PHEX: variants seen among roughly 807,000 people sequenced by gnomAD.
The protein encoded by PHEX is phosphate-regulating neutral endopeptidase PHEX.
Under a neutral mutation model 68.0 loss-of-function variants are expected in PHEX, and 16 were observed. The ratio of observed to expected loss-of-function variants is 0.24; its 90% CI spans 0.16 to 0.36. The LOEUF is 0.36. Ranked by LOEUF, PHEX falls within the 10% of genes least tolerant of loss-of-function variation. The pLI is 1.00. For missense variants in PHEX, 480 were observed against 575.5 expected, an observed-to-expected ratio of 0.83 and a Z score of 1.70; for synonymous variants, 208 against 205.1, an observed-to-expected ratio of 1.01 and a Z score of -0.12.
intron 12 of PHEX, among the ~76,000 whole-genome samples, chrX:22,152,010 G>T (rs2093037410): frequency 8.9e-6 from 1 of 112,017 alleles, no homozygotes; most frequent in African/African-American, 3.2e-5. Flanking sequence ...TGCAGATGTG[G>T]TCTGTGCCTT....
intron 20 of PHEX, among the ~76,000 whole-genome samples, chrX:22,230,846 G>A (rs1602417264): frequency 8.9e-6 from 1 of 111,823 alleles, no homozygotes; most frequent in African/African-American, 3.3e-5. Flanking sequence ...GGGCATCCTT[G>A]TCTGGTGCTG....
intron 4 of PHEX, among the ~76,000 whole-genome samples, 182 bp from the exon 5 acceptor site, chrX:22,077,294 C>T (rs1832937925): frequency 9.0e-6 from 1 of 111,460 alleles, no homozygotes; most frequent in African/African-American, 3.3e-5. Context: ...AAGCGTGGAT[C>T]GTAGGTAGTT....
At position 22,168,218 on chromosome X, in the gene PHEX, A is replaced by G; in HGVS notation, c.1405-94A>G. On this transcript the variant is annotated intron_variant, in intron 12 of 21. Coordinates refer to ENST00000379374, the MANE Select transcript of PHEX (RefSeq NM_000444.6). Reference sequence around the variant, plus strand: ...CATATAGTAGATATTCAGTAAATGGAGTTTTCAGATGAAGGGCGCATTTCT... The same window carrying G: ...CATATAGTAGATATTCAGTAAATGGGGTTTTCAGATGAAGGGCGCATTTCT... 4.6e-6 allele frequency: 3 copies of G among 654,280 alleles called. No homozygotes were observed. In the South Asian group the frequency reaches 6.6e-5, roughly 14 times the overall value. 53.9% of individuals were successfully genotyped at this position (654,280 alleles called of 1,213,427 possible).
intron 3 of PHEX, among the ~76,000 whole-genome samples, chrX:22,064,164 G>T (rs1300523128): frequency 8.9e-6 from 1 of 111,846 alleles, no homozygotes; most frequent in Non-Finnish European, 1.9e-5. Flanking sequence ...TTTATTATAG[G>T]TTTAGGGGTA....
intron 15 of PHEX, among the ~76,000 whole-genome samples, chrX:22,206,414 A>C (rs1934713058): frequency 8.9e-6 from 1 of 112,161 alleles, no homozygotes; most frequent in African/African-American, 3.2e-5. Flanking sequence ...CTAGCTCTGA[A>C]GACATCACCA....
intron 3 of PHEX, among the ~76,000 whole-genome samples, chrX:22,075,285 CTTTT>C (rs1164944990): frequency 4.0e-4 from 25 of 62,349 alleles, no homozygotes; most frequent in African/African-American, 7.2e-4. Context: ...CTCTGGGTTG[CTTTT>C]TTTTTTTTTT....
At chrX:22,197,515 C>A (rs958897021) in intron 15 of PHEX, among the ~76,000 whole-genome samples, 1 of 110,856 alleles carries the variant, frequency 9.0e-6, no homozygotes, top group African/African-American at 3.3e-5. Flanking sequence ...AACTGGGGCC[C>A]CCTGCTCATT....
chrX:22,246,210 G>A lies in PHEX; in HGVS notation c.2147+801G>A, dbSNP rs1215821676. On this transcript the variant is annotated intron_variant, in intron 21 of 21. Transcript: ENST00000379374. ...AATATTACTCACCCTGTACTCGGTC[G>A]TACAGGTTGACAGAAATTTTCTATA... 8.1e-5 allele frequency among the ~76,000 whole-genome samples: 9 copies of A among 111,604 alleles called. No homozygotes were observed. The South Asian group carries it at 1.1e-3, about 14-fold the overall frequency.
Position 22,249,455 on chromosome X carries a change from A to AAAAATTAT in PHEX, c.*1503_*1504insAAATTATA. The AAAAATTAT allele has an allele frequency of 2.5e-5, 1 of 39,764 alleles. No homozygotes were observed. The highest frequency in any genetic ancestry group is 4.1e-5 in the Non-Finnish European group (1 of 24,474). The allele number at this position is 39,764 out of a possible 1,213,427, so 3.3% of individuals were successfully genotyped here. On this transcript the variant is annotated 3_prime_UTR_variant, in exon 22 of 22. Coordinates refer to ENST00000379374, the MANE Select transcript of PHEX (RefSeq NM_000444.6). ...TTGTGATTCTTTTAAAAAAAAAAAA[A>AAAAATTAT]ATATATATATATATATATATATATA...
At chrX:22,057,762 T>C (rs897944631) in intron 3 of PHEX, among the ~76,000 whole-genome samples, 1 of 111,406 alleles carries the variant, frequency 9.0e-6, no homozygotes. Context: ...AACCAGCCCC[T>C]TGTCCATTTT....
intron 16 of PHEX, among the ~76,000 whole-genome samples, chrX:22,213,467 C>T (rs1309044700): frequency 8.9e-6 from 1 of 111,869 alleles, no homozygotes; most frequent in African/African-American, 3.2e-5. Context: ...AAATATTGAA[C>T]TTTTTGAGCA....
At chrX:22,245,142 G>A (rs1936355461) in intron 20 of PHEX, among the ~76,000 whole-genome samples, 191 bp from the exon 21 acceptor site, 1 of 112,181 alleles carries the variant, frequency 8.9e-6, no homozygotes, top group African/African-American at 3.2e-5. Flanking sequence ...TATTCACATT[G>A]ATAAAACCTT....
chrX:22,200,193 C>T (rs929010663), intron 15 of PHEX, among the ~76,000 whole-genome samples: 1 of 112,488 alleles, frequency 8.9e-6, no homozygotes, highest in Non-Finnish European at 1.9e-5. Flanking sequence ...GGTGATGCAA[C>T]TTGCAAAAGA....
rs1436183969 is a variant in PHEX, at chrX:22,184,753, T to G, written c.1587-5691T>G. Reference sequence around the variant, plus strand: ...GAAATTATTTTAGCCCGCCTCACTTTTAACTCACTCTCATTCTACTGAGAC... The same window carrying G: ...GAAATTATTTTAGCCCGCCTCACTTGTAACTCACTCTCATTCTACTGAGAC... On this transcript the variant is annotated intron_variant, in intron 14 of 21. Transcript: ENST00000379374. Among the ~76,000 whole-genome samples the G allele has an allele frequency of 1.3e-4, 15 of 112,117 alleles. No homozygotes were observed. The Admixed American group carries it at 1.4e-3, about 11-fold the overall frequency.
chrX:22,059,355 T>A (rs1488389847), intron 3 of PHEX, among the ~76,000 whole-genome samples: 1 of 112,476 alleles, frequency 8.9e-6, no homozygotes, highest in East Asian at 2.8e-4. Context: ...TTTTCTACCT[T>A]ATTGCAGATG....
intron 13 of PHEX, 104 bp from the exon 14 acceptor site, chrX:22,178,169 G>A: frequency 2.1e-6 from 1 of 477,249 alleles, no homozygotes; most frequent in Non-Finnish European, 3.8e-6. Flanking sequence ...GGCTGTGACT[G>A]ATGCAGCTTC....
At chrX:22,167,231 T>A (rs1035785153) in intron 12 of PHEX, among the ~76,000 whole-genome samples, 2 of 111,402 alleles carry the variant, frequency 1.8e-5, no homozygotes, top group African/African-American at 3.3e-5. Context: ...GTGTTTTTCA[T>A]AGTGACTGTA....
At chrX:22,095,663 G>C (rs771591717) in intron 7 of PHEX, among the ~76,000 whole-genome samples, 37 of 112,019 alleles carry the variant, frequency 3.3e-4, no homozygotes, top group Non-Finnish European at 6.2e-4. Flanking sequence ...TCCTGTGGAG[G>C]GTGAAGAAAG....
Position 22,113,215 on chromosome X carries a change from A to G in PHEX, c.1174-1243A>G, listed in dbSNP as rs762794170. On this transcript the variant is annotated intron_variant, in intron 10 of 21. Coordinates refer to ENST00000379374, the MANE Select transcript of PHEX (RefSeq NM_000444.6). ...TTGAGCACGAAGTGCTAAATATAAT[A>G]TTGAATTGCCGAAGAAGGTTGTAGG... is the stretch of plus-strand genomic sequence containing the variant. 8.6e-4 allele frequency among the ~76,000 whole-genome samples: 96 copies of G among 111,962 alleles called. No individual in the cohort carries two copies. The Middle Eastern group carries it at 0.014, about 16-fold the overall frequency.
Sources: gnomAD v4.1 joint callset for allele counts (sites outside exome capture counted in the v4.1 genomes callset) on GRCh38, gnomAD v4.1.1 for gene constraint, MANE v1.5 for transcripts, NCBI Gene and HGNC (gene_info 2026-07-23, HGNC 2026-07-21) for gene names.